Variants in PTK2 observed in about 807,000 individuals in gnomAD.
PTK2 encodes the protein focal adhesion kinase 1.
In PTK2, 45 loss-of-function variants were observed where a neutral mutation model predicts 150.1. The ratio of observed to expected loss-of-function variants is 0.30; its 90% CI spans 0.24 to 0.38. PTK2 has a LOEUF of 0.38. Among genes scored for constraint, PTK2 ranks in the 10% least tolerant of loss-of-function variants. PTK2 has a pLI of 1.00. For synonymous variants in PTK2, 432 were observed against 449.2 expected, an observed-to-expected ratio of 0.96 and a Z score of 0.48; for missense variants, 919 against 1,307.3, an observed-to-expected ratio of 0.70 and a Z score of 4.58.
intron 10 of PTK2, among the ~76,000 whole-genome samples, chr8:140,809,112 A>G (rs1439761028): frequency 1.3e-5 from 2 of 152,220 alleles, no homozygotes; most frequent in Non-Finnish European, 2.9e-5. Flanking sequence ...AGACATATTA[A>G]AAGTTGTGCA....
At chr8:140,727,718 T>A (rs1019722205) in intron 22 of PTK2, among the ~76,000 whole-genome samples, 4 of 152,170 alleles carry the variant, frequency 2.6e-5, no homozygotes, top group African/African-American at 9.7e-5. Flanking sequence ...CAGATTAATA[T>A]TTTAAAATTC....
intron 14 of PTK2, 112 bp from the exon 16 acceptor site, chr8:140,769,704 C>G: frequency 1.7e-6 from 1 of 602,746 alleles, no homozygotes; most frequent in South Asian, 2.0e-5. Flanking sequence ...ACAAGTAAAC[C>G]AAAGTGTAAG....
intron 5 of PTK2, among the ~76,000 whole-genome samples, chr8:140,857,572 A>G (rs1414335866): frequency 6.6e-6 from 1 of 152,202 alleles, no homozygotes; most frequent in Admixed American, 6.5e-5. Context: ...CAAGAAGGTA[A>G]AGGAAAATGG....
At chr8:140,739,252 C>A (rs1179909744) in intron 20 of PTK2, 145 bp from the exon 24 acceptor site, 1 of 486,512 alleles carries the variant, frequency 2.1e-6, no homozygotes, top group African/African-American at 2.0e-5. Context: ...AACTACTTTT[C>A]ATTTCCTTGG....
At chr8:141,000,404 G>C (rs1207390445) in intron 1 of PTK2, among the ~76,000 whole-genome samples, 2 of 152,330 alleles carry the variant, frequency 1.3e-5, no homozygotes, top group South Asian at 2.1e-4. Flanking sequence ...CCCACCCTTG[G>C]CTGCCCGCGA....
At chr8:140,682,549 C>T (rs527934418) in intron 27 of PTK2, among the ~76,000 whole-genome samples, 1 of 151,192 alleles carries the variant, frequency 6.6e-6, no homozygotes, top group Admixed American at 6.6e-5. Context: ...TATTAAACAA[C>T]AGAATATAAA....
intron 22 of PTK2, among the ~76,000 whole-genome samples, chr8:140,727,007 AT>A (rs1470922700): frequency 2.6e-5 from 4 of 152,238 alleles, no homozygotes; most frequent in African/African-American, 7.2e-5. Context: ...AAGTACAATG[AT>A]TAACTCTAAC....
chr8:140,902,810 T>C (rs1234052965), intron 2 of PTK2, among the ~76,000 whole-genome samples: 3 of 152,196 alleles, frequency 2.0e-5, no homozygotes, highest in Non-Finnish European at 4.4e-5. Context: ...GGGTTGTTTT[T>C]TTCTTGTAAA....
chr8:140,950,371 CG>C (rs2100179171), intron 1 of PTK2, among the ~76,000 whole-genome samples: 1 of 152,244 alleles, frequency 6.6e-6, no homozygotes, highest in Non-Finnish European at 1.5e-5. Context: ...CATCCAGATG[CG>C]GGTTTCCACA....
rs947365691 is a variant in PTK2 at position 140,762,257 on chromosome 8, A to T, written c.1235-995T>A. 4 of 493,790 alleles carry T rather than the reference A, an allele frequency of 8.1e-6. No individual in the cohort carries two copies. The Admixed American group carries it at 2.5e-4, about 31-fold the overall frequency. 30.6% of individuals were successfully genotyped at this position (493,790 alleles called of 1,614,324 possible). On this transcript the variant is annotated intron_variant, in intron 15 of 31. Transcript: ENST00000522684. ...TTCCATTGATTTAACAGTATAAGTA[A>T]ACCAATGACAAATAGTTTAAAAATA...
At chr8:140,848,959 C>T (rs1229688925) in intron 5 of PTK2, among the ~76,000 whole-genome samples, 3 of 152,052 alleles carry the variant, frequency 2.0e-5, no homozygotes, top group African/African-American at 4.8e-5. Flanking sequence ...TTTTTAAACA[C>T]TATTCACAGG....
At chr8:140,691,723 A>C (rs2100023319) in intron 26 of PTK2, among the ~76,000 whole-genome samples, 2 of 152,212 alleles carry the variant, frequency 1.3e-5, no homozygotes, top group Non-Finnish European at 2.9e-5. Flanking sequence ...CCAGTTCCTC[A>C]CCTGTAAAAT....
At chr8:140,940,953 A>AGAGC (rs2100175526) in intron 1 of PTK2, among the ~76,000 whole-genome samples, 1 of 152,158 alleles carries the variant, frequency 6.6e-6, no homozygotes, top group Admixed American at 6.5e-5. Flanking sequence ...CTGGGTGACA[A>AGAGC]GAGCGAAACT....
intron 23 of PTK2, among the ~76,000 whole-genome samples, chr8:140,716,823 A>G (rs1351094011): frequency 6.6e-6 from 1 of 152,218 alleles, no homozygotes; most frequent in African/African-American, 2.4e-5. Context: ...AACTTTTGAG[A>G]AAAAGAACAG....
chr8:140,792,982 A>G (rs2100089400), intron 13 of PTK2, among the ~76,000 whole-genome samples: 1 of 152,354 alleles, frequency 6.6e-6, no homozygotes, highest in Admixed American at 6.5e-5. Flanking sequence ...ATTAGGAAAT[A>G]AACAAGAAAA....
At chr8:140,981,658 T>C (rs531677874) in intron 1 of PTK2, among the ~76,000 whole-genome samples, 8 of 152,348 alleles carry the variant, frequency 5.3e-5, no homozygotes, top group African/African-American at 1.9e-4. Flanking sequence ...ATGTGAAAAT[T>C]ATAGAAAATT....
At chr8:140,679,026 T>G (rs1263884479) in intron 27 of PTK2, among the ~76,000 whole-genome samples, 11 of 111,892 alleles carry the variant, frequency 9.8e-5, no homozygotes, top group African/African-American at 5.2e-4. Context: ...TTTTTTTTTT[T>G]TTTTTTTTTT....
chr8:140,834,499 C>T (rs922550654), intron 7 of PTK2, among the ~76,000 whole-genome samples: 4 of 152,104 alleles, frequency 2.6e-5, no homozygotes, highest in Non-Finnish European at 4.4e-5. Context: ...CTAACAAAAA[C>T]GGTTTCTATG....
At chr8:140,980,818 T>C (rs1447601868) in intron 1 of PTK2, among the ~76,000 whole-genome samples, 1 of 148,614 alleles carries the variant, frequency 6.7e-6, no homozygotes, top group Non-Finnish European at 1.5e-5. Context: ...TGGCGCAATC[T>C]TGGCTCACTG....
Sources: gnomAD v4.1 joint callset for allele counts (sites outside exome capture counted in the v4.1 genomes callset) on GRCh38, gnomAD v4.1.1 for gene constraint, MANE v1.5 for transcripts, NCBI Gene and HGNC (gene_info 2026-07-23, HGNC 2026-07-21) for gene names.